The following HIVEP3 variants were observed in gnomAD, a reference collection of about 807,000 sequenced individuals.
HIVEP3 encodes the protein transcription factor HIVEP3.
A neutral mutation model predicts 152.8 loss-of-function variants in HIVEP3; 49 were observed. The ratio of observed to expected loss-of-function variants is 0.32; its 90% CI spans 0.26 to 0.41. The LOEUF (loss-of-function observed/expected upper bound fraction) is 0.41, where lower values mean the gene tolerates loss of function less well. HIVEP3 is among the 10% of genes least tolerant of loss of function. HIVEP3 has a pLI of 1.00. For synonymous variants in HIVEP3, 1,269 were observed against 1,289.0 expected, an observed-to-expected ratio of 0.98 and a Z score of 0.33; for missense variants, 2,790 against 3,103.3, an observed-to-expected ratio of 0.90 and a Z score of 2.40.
intron 1 of HIVEP3, among the ~76,000 whole-genome samples, chr1:41,961,202 C>T (rs1477569337): frequency 1.3e-5 from 2 of 152,304 alleles, no homozygotes; most frequent in East Asian, 3.9e-4. Context: ...CATGAAAAAG[C>T]TGAGAGATAC....
At chr1:41,512,643 A>G (rs1295292541) in intron 8 of HIVEP3, among the ~76,000 whole-genome samples, 173 bp downstream of exon 8, 1 of 152,246 alleles carries the variant, frequency 6.6e-6, no homozygotes, top group Non-Finnish European at 1.5e-5. Context: ...GATTTAGGGC[A>G]GCCAGCATGG....
intron 1 of HIVEP3, among the ~76,000 whole-genome samples, chr1:41,925,394 G>T (rs910890616): frequency 7.2e-5 from 11 of 152,128 alleles, no homozygotes; most frequent in African/African-American, 2.7e-4. Flanking sequence ...ATTGTATACT[G>T]ACAAGTAAGC....
chr1:41,629,086 C>T, intron 2 of HIVEP3, 139 bp from the exon 3 acceptor site: 1 of 423,748 alleles, frequency 2.4e-6, no homozygotes, highest in Non-Finnish European at 3.7e-6. Flanking sequence ...AGGGCCTGAT[C>T]CCCACATCCC....
chr1:41,746,753 C>T (rs887262466), intron 1 of HIVEP3, among the ~76,000 whole-genome samples: 1 of 152,212 alleles, frequency 6.6e-6, no homozygotes, highest in African/African-American at 2.4e-5. Flanking sequence ...CATTTCCTTG[C>T]ACTCCAGCCT....
At chr1:41,946,717 CA>C (rs1476204153) in intron 1 of HIVEP3, among the ~76,000 whole-genome samples, 1 of 152,030 alleles carries the variant, frequency 6.6e-6, no homozygotes, top group Non-Finnish European at 1.5e-5. Context: ...TATGGACAAG[CA>C]AAGAATGCCC....
intron 5 of HIVEP3, among the ~76,000 whole-genome samples, chr1:41,552,483 T>C (rs1213664793): frequency 6.8e-6 from 1 of 148,064 alleles, no homozygotes; most frequent in Non-Finnish European, 1.5e-5. Flanking sequence ...TTTTTTGTTC[T>C]TGCAATAGTT....
At chr1:41,742,289 C>T (rs1337201982) in intron 1 of HIVEP3, among the ~76,000 whole-genome samples, 1 of 152,232 alleles carries the variant, frequency 6.6e-6, no homozygotes, top group Non-Finnish European at 1.5e-5. Context: ...CATTCATCCA[C>T]TCATCCACTC....
chr1:41,820,065 C>A (rs1005059678), intron 1 of HIVEP3, among the ~76,000 whole-genome samples: 1 of 152,008 alleles, frequency 6.6e-6, no homozygotes, highest in Non-Finnish European at 1.5e-5. Context: ...AGGTGGTGGG[C>A]TGGAACTGGC....
In HIVEP3 at chr1:41,574,653, T is replaced by G. The variant is rs1396238978; in HGVS notation, c.5207+891A>C. On this transcript the variant is annotated intron_variant, in intron 5 of 8. Coordinates refer to ENST00000372583, the MANE Select transcript of HIVEP3 (RefSeq NM_024503.5). ...GATCAGAGGCCCCCAGTGACAGCCA[T>G]GTTGGCCCCAGCTCATGGGGACTGT... Among the ~76,000 whole-genome samples, 8 of 152,198 alleles carry G rather than the reference T, an allele frequency of 5.3e-5. No homozygotes were observed. The South Asian group carries it at 1.5e-3, about 28-fold the overall frequency.
intron 1 of HIVEP3, among the ~76,000 whole-genome samples, chr1:41,707,556 A>G (rs1327280828): frequency 6.6e-6 from 1 of 152,188 alleles, no homozygotes; most frequent in Admixed American, 6.5e-5. Context: ...TGCCTAGAGG[A>G]CAAATGTGTG....
intron 1 of HIVEP3, among the ~76,000 whole-genome samples, chr1:41,895,077 C>T (rs1195594105): frequency 6.6e-6 from 1 of 151,544 alleles, no homozygotes; most frequent in Non-Finnish European, 1.5e-5. Flanking sequence ...ATAAGATAAG[C>T]CCCACGCTGG....
intron 5 of HIVEP3, among the ~76,000 whole-genome samples, chr1:41,550,325 G>A (rs1643881171): frequency 6.6e-6 from 1 of 152,172 alleles, no homozygotes; most frequent in Non-Finnish European, 1.5e-5. Flanking sequence ...CTCCAGCTTT[G>A]TTCTTTTTGC....
In HIVEP3 at chr1:41,981,145, C is replaced by T. The variant is rs115728628; in HGVS notation, n.119+54662G>A. ...AGGCAAGGAGAGAAGCAAAGTCCTC[C>T]CCTTGTGAGAACAGTGAGGGTGGAA... is the stretch of plus-strand genomic sequence containing the variant. On this transcript the variant is annotated intron_variant and non_coding_transcript_variant, in intron 1 of 3. Coordinates refer to the HIVEP3 transcript ENST00000489103. Among the ~76,000 whole-genome samples, 1,152 of 152,292 alleles carry T rather than the reference C, an allele frequency of 7.6e-3. 12 individuals are homozygous for T. Among genetic ancestry groups the T allele is most frequent in the African/African-American group, 0.027 (1,115 of 41,552 alleles).
At chr1:42,021,362 A>C (rs1357303031) in intron 1 of HIVEP3, among the ~76,000 whole-genome samples, 1 of 152,162 alleles carries the variant, frequency 6.6e-6, no homozygotes, top group Non-Finnish European at 1.5e-5. Context: ...TGAGAGTTAT[A>C]GGAAAGAAAA....
chr1:41,707,683 T>G (rs1478449005), intron 1 of HIVEP3, among the ~76,000 whole-genome samples: 1 of 152,226 alleles, frequency 6.6e-6, no homozygotes, highest in African/African-American at 2.4e-5. Context: ...CAGATTTGAA[T>G]CCTGCTCTGC....
At chr1:41,773,350 A>T (rs142750176) in intron 1 of HIVEP3, among the ~76,000 whole-genome samples, 37 of 152,348 alleles carry the variant, frequency 2.4e-4, no homozygotes, top group African/African-American at 8.4e-4. Flanking sequence ...ATCTGCAGGA[A>T]TGTGAATAAA....
chr1:41,794,902 A>G (rs1430051948), intron 1 of HIVEP3, among the ~76,000 whole-genome samples: 1 of 152,164 alleles, frequency 6.6e-6, no homozygotes, highest in Non-Finnish European at 1.5e-5. Context: ...ATTCTCCATA[A>G]CCATGGCACA....
intron 1 of HIVEP3, among the ~76,000 whole-genome samples, chr1:41,737,049 C>T (rs910200755): frequency 3.9e-5 from 6 of 152,174 alleles, no homozygotes; most frequent in Admixed American, 2.6e-4. Flanking sequence ...GAGGTCTTCT[C>T]CGCCCTTTCC....
At chr1:41,934,360 A>G (rs1293010334) in intron 1 of HIVEP3, among the ~76,000 whole-genome samples, 1 of 152,146 alleles carries the variant, frequency 6.6e-6, no homozygotes, top group African/African-American at 2.4e-5. Context: ...GTCAGAGCTC[A>G]TATCTCATTT....
Sources: allele counts gnomAD v4.1 joint callset (sites outside exome capture counted in the v4.1 genomes callset), GRCh38; gene constraint gnomAD v4.1.1; transcripts MANE v1.5; gene names NCBI Gene and HGNC (gene_info 2026-07-23, HGNC 2026-07-21).